The following NELFA variants were observed in gnomAD, a reference collection of about 807,000 sequenced individuals.
NELFA encodes negative elongation factor A.
In NELFA, 35 loss-of-function variants were observed where a neutral mutation model predicts 51.8. The observed-to-expected ratio is 0.68, with a 90% CI of 0.52 to 0.90. The LOEUF is 0.90. Among genes scored for constraint, NELFA ranks in the 40% least tolerant of loss-of-function variants. The pLI is 0.00. For synonymous variants in NELFA, 417 were observed against 338.4 expected (o/e 1.23, Z -2.55); for missense variants, 658 against 746.4 (o/e 0.88, Z 1.38).
chr4:1,997,423 T>C (rs1288701544), intron 1 of NELFA, among the ~76,000 whole-genome samples: 2 of 152,240 alleles, frequency 1.3e-5, no homozygotes, highest in African/African-American at 2.4e-5. Flanking sequence ...ATCAGGATGA[T>C]ATAATCTAAC....
At chr4:2,004,162 A>T (rs768677681) in intron 1 of NELFA, 5 of 152,168 alleles carry the variant, frequency 3.3e-5, no homozygotes, top group African/African-American at 4.8e-5. Flanking sequence ...TGTTTCAAAA[A>T]AAAGAAAAAA....
At chr4:1,996,397 A>G (rs1437715313) in intron 1 of NELFA, among the ~76,000 whole-genome samples, 1 of 152,246 alleles carries the variant, frequency 6.6e-6, no homozygotes, top group Non-Finnish European at 1.5e-5. Context: ...ATTTATGGAC[A>G]TACGCACATA....
intron 3 of NELFA, among the ~76,000 whole-genome samples, chr4:1,988,993 T>C (rs1005253963): frequency 6.7e-6 from 1 of 150,062 alleles, no homozygotes; most frequent in African/African-American, 2.5e-5. Flanking sequence ...TTGCCCAGGC[T>C]GGAGTGCAGT....
chr4:2,007,829 C>A (rs974361668), intron 1 of NELFA: 2 of 372,690 alleles, frequency 5.4e-6, no homozygotes, highest in African/African-American at 4.3e-5. Flanking sequence ...CAATTACAAC[C>A]TATAATAGCT....
chr4:1,992,034 T>G (rs1195392602), intron 1 of NELFA: 1 of 270,596 alleles, frequency 3.7e-6, no homozygotes, highest in Non-Finnish European at 7.0e-6. Flanking sequence ...ACCTGAAGGG[T>G]GAGAAGCCGG....
chr4:2,006,967 C>A (rs1728726533), intron 1 of NELFA: 1 of 157,864 alleles, frequency 6.3e-6, no homozygotes, highest in Non-Finnish European at 1.4e-5. Context: ...AGCAGAAAAC[C>A]AAACAGCAGG....
chr4:1,998,074 CG>C (rs1331822549), intron 1 of NELFA, among the ~76,000 whole-genome samples: 1 of 150,534 alleles, frequency 6.6e-6, no homozygotes. Flanking sequence ...GGAAAACAAA[CG>C]AGCAGAAAAC....
chr4:1,988,050 G>A (rs776378532), intron 3 of NELFA, 43 bp from the exon 4 acceptor site: 1 of 1,547,092 alleles, frequency 6.5e-7, no homozygotes, highest in Non-Finnish European at 8.8e-7. Context: ...CTCAGAGCGA[G>A]AGCCCTTGGC....
Position 1,983,929 on chromosome 4 carries a change from A to AGT in NELFA, c.1219_1220dup (p.Gln408LeufsTer71). 1 of 1,609,530 alleles carries AGT rather than the reference A, an allele frequency of 6.2e-7. No individual in the cohort carries two copies. The highest frequency in any genetic ancestry group is 8.5e-7 in the Non-Finnish European group (1 of 1,178,152). On this transcript the variant is annotated frameshift_variant, in exon 9 of 11. Transcript: ENST00000382882. LOFTEE classifies it high-confidence loss of function. ...CCACCATGGCAACCGGGGGTGTCTG[A>AGT]GTGGTAGGGGCGACAGCCGGAGGTG...
At chr4:2,007,179 C>A in intron 1 of NELFA, 1 of 413,898 alleles carries the variant, frequency 2.4e-6, no homozygotes, top group Non-Finnish European at 5.0e-6. Flanking sequence ...TGCACTCCAG[C>A]CTGGTTGACA....
intron 2 of NELFA, 64 bp downstream of exon 2, chr4:1,991,480 A>G: frequency 6.4e-7 from 1 of 1,568,710 alleles, no homozygotes; most frequent in Non-Finnish European, 8.7e-7. Flanking sequence ...TCATTTCAGA[A>G]AAAAATTTTT....
chr4:1,984,111 G>A lies in NELFA; in HGVS notation c.1039C>T (p.Pro347Ser). The A allele has an allele frequency of 6.4e-7, 1 of 1,561,996 alleles. No individual in the cohort carries two copies. Among genetic ancestry groups the A allele is most frequent in the East Asian group, 2.3e-5 (1 of 44,166 alleles). Reference protein sequence around the residue: ...YIPSSETPPAPSSREASRPPE... With the variant: ...YIPSSETPPASSSREASRPPE... ...GGGCGGCTGGCTTCCCGGGAAGATG[G>A]GGCTGCAAGTAGACCGGGGCCTGGT... Residue 347 changes from proline to serine, a missense_variant and splice_region_variant, in exon 9 of 11, where the codon CCA becomes TCA. Around this residue, in one of 3 missense-constraint regions of NELFA, gnomAD observed 200 missense variants for 167.9 expected, o/e 1.19. Transcript: ENST00000382882.
intron 2 of NELFA, chr4:1,990,155 G>C: frequency 4.2e-6 from 2 of 475,536 alleles, no homozygotes; most frequent in East Asian, 8.1e-5. Flanking sequence ...CATAGATACA[G>C]TGATTCCTGG....
chr4:2,000,422 G>A (rs1234472279), intron 1 of NELFA, among the ~76,000 whole-genome samples: 2 of 148,624 alleles, frequency 1.3e-5, no homozygotes, highest in Admixed American at 6.7e-5. Flanking sequence ...AGAGAGAGAA[G>A]AATCAAATAG....
intron 1 of NELFA, among the ~76,000 whole-genome samples, chr4:2,007,632 T>A (rs1186312571): frequency 6.6e-6 from 1 of 152,104 alleles, no homozygotes; most frequent in Non-Finnish European, 1.5e-5. Context: ...CAGAAATGAT[T>A]ACCTTTCCAA....
At chr4:2,000,460 A>G (rs1728540572) in intron 1 of NELFA, among the ~76,000 whole-genome samples, 1 of 152,184 alleles carries the variant, frequency 6.6e-6, no homozygotes, top group Non-Finnish European at 1.5e-5. Context: ...TGATAATAAT[A>G]AAGATGCTAT....
rs188612968 is a variant in NELFA at position 1,989,039 on chromosome 4, A to T, written c.544+669T>A. ...TGGCTCACTGCAACCTCCGCCTCCCAGGTTCAAGTGATTCTCTTGCCTCAG... is the reference window on the plus strand; with the variant it reads ...TGGCTCACTGCAACCTCCGCCTCCCTGGTTCAAGTGATTCTCTTGCCTCAG... On this transcript the variant is annotated intron_variant, in intron 3 of 10. Coordinates refer to ENST00000382882, the MANE Select transcript of NELFA (RefSeq NM_005663.5). The surrounding 1 kb of genome is among the most constrained non-coding windows in gnomAD (Gnocchi z 4.8). Among the ~76,000 whole-genome samples, 221 of 147,144 alleles carry T rather than the reference A, an allele frequency of 1.5e-3. 1 individual carries two copies. Among genetic ancestry groups the T allele is most frequent in the Non-Finnish European group, 2.5e-3 (169 of 67,298 alleles).
chr4:1,999,178 G>A (rs1310580312), intron 1 of NELFA, among the ~76,000 whole-genome samples: 4 of 151,170 alleles, frequency 2.6e-5, no homozygotes, highest in East Asian at 1.9e-4. Flanking sequence ...AAACCAGTAC[G>A]AGCCACTGAA....
chr4:1,996,962 A>C (rs1728443872), intron 1 of NELFA, among the ~76,000 whole-genome samples: 1 of 152,116 alleles, frequency 6.6e-6, no homozygotes, highest in Non-Finnish European at 1.5e-5. Flanking sequence ...AAAAAAAAGA[A>C]AAGTAGGCAG....
Sources: gnomAD v4.1 joint callset for allele counts (sites outside exome capture counted in the v4.1 genomes callset) on GRCh38, gnomAD v4.1.1 for gene constraint, gnomAD v4.1.1 regional missense constraint, Gnocchi (gnomAD v3.1) non-coding constraint, MANE v1.5 for transcripts, NCBI Gene and HGNC (gene_info 2026-07-23, HGNC 2026-07-21) for gene names.